Variants in SCARB2 observed in about 807,000 individuals in gnomAD.
The protein encoded by SCARB2 is lysosome membrane protein 2.
Under a neutral mutation model 58.6 loss-of-function variants are expected in SCARB2, and 29 were observed. The ratio of observed to expected loss-of-function variants is 0.49; its 90% confidence interval spans 0.37 to 0.67. The LOEUF (loss-of-function observed/expected upper bound fraction) is 0.67, where lower values mean the gene tolerates loss of function less well. Among genes scored for constraint, SCARB2 ranks in the 30% least tolerant of loss-of-function variants. The pLI is 0.00. For synonymous variants in SCARB2, 195 were observed against 210.1 expected, an observed-to-expected ratio of 0.93 and a Z score of 0.62; for missense variants, 488 against 578.5, an observed-to-expected ratio of 0.84 and a Z score of 1.60.
intron 9 of SCARB2, chr4:76,166,806 C>G (rs921896159): frequency 6.3e-6 from 1 of 159,332 alleles, no homozygotes; most frequent in Non-Finnish European, 1.4e-5. Context: ...AGGATCACCA[C>G]AAGTAAGTGA....
chr4:76,168,858 G>A (rs1303510891), intron 8 of SCARB2, among the ~76,000 whole-genome samples: 1 of 152,246 alleles, frequency 6.6e-6, no homozygotes, highest in African/African-American at 2.4e-5. Flanking sequence ...GGATTTCCAG[G>A]CAGTTGTCCA....
chr4:76,181,220 T>C (rs530890757), intron 2 of SCARB2, 119 bp from the exon 3 acceptor site: 8 of 1,012,378 alleles, frequency 7.9e-6, no homozygotes, highest in Admixed American at 4.2e-5. Context: ...TAACATTATA[T>C]AGAGACTGCA....
intron 2 of SCARB2, among the ~76,000 whole-genome samples, chr4:76,183,296 T>C (rs770114849): frequency 1.3e-5 from 2 of 152,220 alleles, no homozygotes; most frequent in Non-Finnish European, 1.5e-5. Flanking sequence ...TACTTGGACA[T>C]AGCATCAGAT....
chr4:76,214,127 C>T, upstream of SCARB2: 2 of 433,006 alleles, frequency 4.6e-6, no homozygotes, highest in Non-Finnish European at 9.2e-6. Flanking sequence ...GCAGATAGGT[C>T]TGAGGGCCTC....
chr4:76,161,441 C>T lies in SCARB2; in HGVS notation c.*272G>A. 2.0e-6 allele frequency: 1 copy of T among 508,012 alleles called. No individual in the cohort carries two copies. The highest frequency in any genetic ancestry group is 3.6e-6 in the Non-Finnish European group (1 of 280,454). 31.5% of individuals were successfully genotyped at this position (508,012 alleles called of 1,614,324 possible). A position where few individuals can be genotyped will look rare whatever the true frequency, so the allele number is the denominator to read the frequency against. On this transcript the variant is annotated 3_prime_UTR_variant, in exon 12 of 12. Transcript: ENST00000264896. ...AAATTCTGGAGCTACCAGCACCCAA[C>T]AACAACAAAATTACTATACAAGGGT...
chr4:76,205,592 G>C (rs963678569), intron 1 of SCARB2, among the ~76,000 whole-genome samples: 1 of 152,148 alleles, frequency 6.6e-6, no homozygotes, highest in Non-Finnish European at 1.5e-5. Flanking sequence ...AATGGGACTT[G>C]TGATGAGTGA....
chr4:76,198,865 T>C (rs549641521), intron 1 of SCARB2, among the ~76,000 whole-genome samples: 1 of 149,164 alleles, frequency 6.7e-6, no homozygotes, highest in African/African-American at 2.4e-5. Flanking sequence ...TGTGTGTGTG[T>C]GTGTGTGTGC....
At chr4:76,185,862 T>C (rs1732475943) in intron 2 of SCARB2, among the ~76,000 whole-genome samples, 1 of 152,230 alleles carries the variant, frequency 6.6e-6, no homozygotes, top group Non-Finnish European at 1.5e-5. Flanking sequence ...GGTTTCATCT[T>C]ACTCACTGCT....
rs1348033527 is a variant in SCARB2 at position 76,195,745 on chromosome 4, C to T, written c.237G>A (p.Glu79=). The change falls in exon 2 of 12, where the codon GAG becomes GAA. Residue 79 remains glutamate, a synonymous_variant. Coordinates refer to ENST00000264896, the MANE Select transcript of SCARB2 (RefSeq NM_005506.4). ...VTNPEEILRG[E]TPRVEEVGPY... ...GCCCCACTTCTTCCACCCGAGGGGT[C>T]TCCCCTCTGAGGATCTCCTCTGGAT... is the stretch of plus-strand genomic sequence containing the variant. 7 of 1,613,932 alleles carry T rather than the reference C, an allele frequency of 4.3e-6. No homozygotes were observed. Among genetic ancestry groups the T allele is most frequent in the Non-Finnish European group, 5.9e-6 (7 of 1,179,794 alleles).
chr4:76,166,768 A>T (rs1419736339), intron 9 of SCARB2: 1 of 178,680 alleles, frequency 5.6e-6, no homozygotes, highest in Non-Finnish European at 1.2e-5. Context: ...AGGTTTACAG[A>T]TGAGAAAATT....
intron 1 of SCARB2, among the ~76,000 whole-genome samples, chr4:76,211,729 G>A (rs570560454): frequency 6.6e-6 from 1 of 152,260 alleles, no homozygotes; most frequent in South Asian, 2.1e-4. Context: ...AGGTAATCCA[G>A]GAAAAAGCAG....
intron 1 of SCARB2, 128 bp downstream of exon 1, chr4:76,213,299 G>A (rs180916045): frequency 4.1e-6 from 3 of 733,184 alleles, no homozygotes; most frequent in Non-Finnish European, 7.5e-6. Context: ...GGAAGACAGG[G>A]ACGCAAGAAG....
Position 76,166,263 on chromosome 4 carries a change from A to G in SCARB2, c.1226T>C (p.Met409Thr). ...GDIRTMVFPVMYLNESVHIDK... is the reference protein window; with the variant it reads ...GDIRTMVFPVTYLNESVHIDK... ...CTCAGGACTTACCTCATTGAGGTAC[A>G]TCACTGGGAAAACCATGGTTCTAAT... Residue 409 changes from methionine (M) to threonine (T), a missense_variant, in exon 10 of 12, where the codon ATG becomes ACG. Coordinates refer to ENST00000264896, the MANE Select transcript of SCARB2 (RefSeq NM_005506.4). 1 of 1,614,212 alleles carries G rather than the reference A, an allele frequency of 6.2e-7. No individual in the cohort carries two copies. Among genetic ancestry groups the G allele is most frequent in the Non-Finnish European group, 8.5e-7 (1 of 1,180,020 alleles).
chr4:76,200,900 A>C (rs1732816350), intron 1 of SCARB2, among the ~76,000 whole-genome samples: 1 of 152,154 alleles, frequency 6.6e-6, no homozygotes, highest in Non-Finnish European at 1.5e-5. Flanking sequence ...GTAGGCTCCT[A>C]ACTGGTCTCC....
chr4:76,190,604 T>C (rs1000754260), intron 2 of SCARB2, among the ~76,000 whole-genome samples: 2 of 152,018 alleles, frequency 1.3e-5, no homozygotes, highest in African/African-American at 4.8e-5. Context: ...GTCAACATGG[T>C]GAAACCTTGT....
intron 10 of SCARB2, chr4:76,163,593 TTAA>T (rs1731944316): frequency 1.7e-6 from 1 of 601,186 alleles, no homozygotes; most frequent in Admixed American, 2.9e-5. Flanking sequence ...TTTTTTACTC[TTAA>T]AATAGATTGG....
chr4:76,201,222 C>T (rs890343408), intron 1 of SCARB2, among the ~76,000 whole-genome samples: 2 of 152,182 alleles, frequency 1.3e-5, no homozygotes, highest in African/African-American at 4.8e-5. Flanking sequence ...TCACCTGGTT[C>T]ACTTCTACTT....
In SCARB2 at chr4:76,163,355, C is replaced by G. The variant is rs781280046; in HGVS notation, c.1268G>C (p.Ser423Thr). ...ESVHIDKETA[S>T]RLKSMINTTL... Reference sequence around the variant, plus strand: ...AGTGTTAATCATAGACTTCAGTCGACTCGCCGTCTCTTTATCAATGTGAAC... The same window carrying G: ...AGTGTTAATCATAGACTTCAGTCGAGTCGCCGTCTCTTTATCAATGTGAAC... Residue 423 changes from serine to threonine, a missense_variant, in exon 11 of 12, where the codon AGT becomes ACT. By Grantham distance (58) the Ser-to-Thr change is moderately conservative. Transcript: ENST00000264896. 1 of 1,614,202 alleles carries G rather than the reference C, an allele frequency of 6.2e-7. No homozygotes were observed. Among genetic ancestry groups the G allele is most frequent in the African/African-American group, 1.3e-5 (1 of 75,050 alleles).
At chr4:76,170,813 C>A (rs1349483568) in intron 7 of SCARB2, among the ~76,000 whole-genome samples, 1 of 152,114 alleles carries the variant, frequency 6.6e-6, no homozygotes, top group East Asian at 1.9e-4. Flanking sequence ...AGCCACCACA[C>A]CTGGCCTACA....
Sources: gnomAD v4.1 joint callset for allele counts (sites outside exome capture counted in the v4.1 genomes callset) on GRCh38, gnomAD v4.1.1 for gene constraint, MANE v1.5 for transcripts, NCBI Gene and HGNC (gene_info 2026-07-23, HGNC 2026-07-21) for gene names.